BABAM2: variants seen among roughly 807,000 people sequenced by gnomAD.
BABAM2 encodes the protein BRISC and BRCA1-A complex member 2.
BABAM2 carries 31 observed loss-of-function variants against 54.7 expected under a neutral mutation model. That is an observed-to-expected ratio of 0.57 (90% CI 0.43 to 0.77). BABAM2 has a LOEUF of 0.77. Among genes scored for constraint, BABAM2 ranks in the 30% least tolerant of loss-of-function variants. The pLI is 0.00. For missense variants in BABAM2, 364 were observed against 455.8 expected (o/e 0.80, Z 1.83); for synonymous variants, 167 against 162.9 (o/e 1.03, Z -0.19).
intron 4 of BABAM2, among the ~76,000 whole-genome samples, chr2:28,011,093 T>C (rs998925518): frequency 6.6e-5 from 10 of 152,124 alleles, no homozygotes; most frequent in African/African-American, 2.4e-4. Flanking sequence ...CACTCAAAAC[T>C]TATGCCTGAG....
intron 10 of BABAM2, among the ~76,000 whole-genome samples, chr2:28,287,670 G>A (rs991180622): frequency 2.0e-5 from 3 of 152,140 alleles, no homozygotes; most frequent in Non-Finnish European, 2.9e-5. Context: ...GGAAGAAGGC[G>A]GGGCTTGGAC....
At chr2:28,126,546 T>A (rs371570057) in intron 6 of BABAM2, among the ~76,000 whole-genome samples, 13,934 of 141,604 alleles carry the variant, frequency 0.098, 776 homozygotes, top group African/African-American at 0.16. Flanking sequence ...TCTATCATTG[T>A]TGGACATTTG....
At chr2:28,219,961 C>A (rs1265397699) in intron 7 of BABAM2, among the ~76,000 whole-genome samples, 1 of 152,184 alleles carries the variant, frequency 6.6e-6, no homozygotes, top group Admixed American at 6.5e-5. Context: ...TGAGTTGTGG[C>A]TCAGTGCTGC....
intron 6 of BABAM2, among the ~76,000 whole-genome samples, chr2:28,125,729 A>C (rs1669468081): frequency 6.6e-6 from 1 of 152,242 alleles, no homozygotes; most frequent in African/African-American, 2.4e-5. Flanking sequence ...CACACACACA[A>C]ATGTACATAC....
At chr2:28,137,521 T>C (rs957856536) in intron 7 of BABAM2, among the ~76,000 whole-genome samples, 3 of 152,212 alleles carry the variant, frequency 2.0e-5, no homozygotes, top group African/African-American at 7.2e-5. Flanking sequence ...TGGCCTTTTG[T>C]CTTGCCTGTG....
chr2:27,899,904 G>A (rs1169424560), intron 2 of BABAM2, among the ~76,000 whole-genome samples: 2 of 152,234 alleles, frequency 1.3e-5, no homozygotes, highest in Admixed American at 1.3e-4. Context: ...ATAAAATGAT[G>A]TGAAAGACCT....
At chr2:28,171,031 ATAC>A (rs1558403149) in intron 7 of BABAM2, among the ~76,000 whole-genome samples, 1 of 152,184 alleles carries the variant, frequency 6.6e-6, no homozygotes, top group African/African-American at 2.4e-5. Context: ...TTCTATGAAT[ATAC>A]AAAGGTATGT....
intron 7 of BABAM2, among the ~76,000 whole-genome samples, chr2:28,168,861 C>T (rs950976189): frequency 2.6e-5 from 4 of 152,158 alleles, no homozygotes; most frequent in African/African-American, 9.7e-5. Flanking sequence ...GTTAGTCTCA[C>T]CCCTGCTCCC....
intron 7 of BABAM2, among the ~76,000 whole-genome samples, chr2:28,176,587 A>AC (rs1365631759): frequency 1.4e-5 from 2 of 145,078 alleles, no homozygotes; most frequent in East Asian, 4.1e-4. Flanking sequence ...AAAAAAAAAA[A>AC]AAAAAAAAAC....
At chr2:28,104,349 A>C (rs7579087) in intron 6 of BABAM2, among the ~76,000 whole-genome samples, 15,542 of 152,228 alleles carry the variant, frequency 0.1, 807 homozygotes, top group East Asian at 0.15. Context: ...CAAGAAAAAA[A>C]CAAACAACCC....
intron 3 of BABAM2, among the ~76,000 whole-genome samples, chr2:27,947,359 A>C (rs189672162): frequency 6.6e-6 from 1 of 152,164 alleles, no homozygotes; most frequent in East Asian, 1.9e-4. Flanking sequence ...ACATATCTTT[A>C]ACTTTTCACA....
Position 28,102,262 on chromosome 2 carries a change from C to T in BABAM2, c.571-27009C>T, listed in dbSNP as rs149735268. Among the ~76,000 whole-genome samples, 16 of 152,242 alleles carry T rather than the reference C, an allele frequency of 1.1e-4. No homozygotes were observed. The East Asian group carries it at 2.7e-3, about 26-fold the overall frequency. Reference sequence around the variant, plus strand: ...GGGTAATACATGTCCCTTTTTCCCTCAATACCAGAGAAAGAATTGGTTTCA... The same window carrying T: ...GGGTAATACATGTCCCTTTTTCCCTTAATACCAGAGAAAGAATTGGTTTCA... On this transcript the variant is annotated intron_variant, in intron 6 of 11. Transcript: ENST00000379624.
chr2:28,025,547 C>T (rs1005399669), intron 5 of BABAM2, 127 bp downstream of exon 5: 2 of 930,090 alleles, frequency 2.2e-6, no homozygotes, highest in African/African-American at 3.4e-5. Flanking sequence ...ATATGTTTCT[C>T]ATAATTTAGA....
chr2:28,292,550 A>G (rs1332168890), intron 10 of BABAM2, among the ~76,000 whole-genome samples: 1 of 152,200 alleles, frequency 6.6e-6, no homozygotes, highest in Non-Finnish European at 1.5e-5. Context: ...TCACATAACA[A>G]GAAATCCAGA....
At chr2:28,109,668 G>A (rs970631012) in intron 6 of BABAM2, among the ~76,000 whole-genome samples, 7 of 152,090 alleles carry the variant, frequency 4.6e-5, no homozygotes, top group African/African-American at 1.7e-4. Context: ...ACCCAAAGGG[G>A]ATAGTCTCGC....
At chr2:27,893,628 T>C (rs1195656477) in intron 1 of BABAM2, among the ~76,000 whole-genome samples, 1 of 152,146 alleles carries the variant, frequency 6.6e-6, no homozygotes, top group Non-Finnish European at 1.5e-5. Context: ...ATTCAAAACA[T>C]AGACCCTGCA....
At chr2:27,903,717 T>C (rs1665985150) in intron 2 of BABAM2, among the ~76,000 whole-genome samples, 2 of 152,222 alleles carry the variant, frequency 1.3e-5, no homozygotes, top group African/African-American at 4.8e-5. Context: ...CTGTTTCAAC[T>C]GAGCACGTAG....
intron 10 of BABAM2, among the ~76,000 whole-genome samples, chr2:28,259,248 C>T (rs191367637): frequency 3.1e-4 from 47 of 150,476 alleles, no homozygotes; most frequent in African/African-American, 1.1e-3. Context: ...CCACCACACC[C>T]AGCTAATTTT....
chr2:28,234,896 A>G (rs769507040), intron 7 of BABAM2, among the ~76,000 whole-genome samples: 42 of 152,240 alleles, frequency 2.8e-4, no homozygotes, highest in Non-Finnish European at 4.7e-4. Context: ...AGCCATCTTT[A>G]GAGTTTAGGC....
Sources: allele counts gnomAD v4.1 joint callset (sites outside exome capture counted in the v4.1 genomes callset), GRCh38; gene constraint gnomAD v4.1.1; transcripts MANE v1.5; gene names NCBI Gene and HGNC (gene_info 2026-07-23, HGNC 2026-07-21).